Variants in FURIN observed in about 807,000 individuals in gnomAD.
The protein encoded by FURIN is FES upstream region.
FURIN carries 18 observed loss-of-function variants against 89.2 expected under a neutral mutation model. The observed-to-expected ratio is 0.20, with a 90% CI of 0.14 to 0.30. The LOEUF is 0.30. Among genes scored for constraint, FURIN ranks in the 10% least tolerant of loss-of-function variants. FURIN has a pLI of 1.00. For missense variants in FURIN, 879 were observed against 1,100.5 expected, an observed-to-expected ratio of 0.80 and a Z score of 2.85; for synonymous variants, 508 against 466.4, an observed-to-expected ratio of 1.09 and a Z score of -1.15.
At chr15:90,871,188 G>A (rs1031771386) in intron 1 of FURIN, among the ~76,000 whole-genome samples, 1 of 152,130 alleles carries the variant, frequency 6.6e-6, no homozygotes, top group East Asian at 1.9e-4. Context: ...TGGGGAAGCG[G>A]GGGACGGAGA....
At chr15:90,878,499 T>C (rs1198002729) in intron 8 of FURIN, among the ~76,000 whole-genome samples, 195 bp downstream of exon 8, 4 of 152,234 alleles carry the variant, frequency 2.6e-5, no homozygotes, top group African/African-American at 9.6e-5. Context: ...ACACATTTTT[T>C]TTAGAAATGA....
chr15:90,873,325 G>C lies in FURIN; in HGVS notation c.-159-2257G>C, dbSNP rs144576190. On this transcript the variant is annotated intron_variant, in intron 1 of 15. Transcript: ENST00000268171. ...GACTGTTCAGTTGCGCCTGACGCCT[G>C]CTTTCTTTCCGAGTGCTGCAAGGTA... is the stretch of plus-strand genomic sequence containing the variant. Among the ~76,000 whole-genome samples, 400 of 152,254 alleles carry C rather than the reference G, an allele frequency of 2.6e-3. 4 individuals are homozygous for C. Among genetic ancestry groups the C allele is most frequent in the African/African-American group, 8.9e-3 (371 of 41,520 alleles).
At chr15:90,872,586 G>A (rs1372357634) in intron 1 of FURIN, among the ~76,000 whole-genome samples, 1 of 152,174 alleles carries the variant, frequency 6.6e-6, no homozygotes, top group East Asian at 1.9e-4. Context: ...CTTCTACGGA[G>A]CATTTGATTT....
chr15:90,879,479 TCA>T lies in FURIN; in HGVS notation c.1093_1094del (p.Thr365GlyfsTer21). 1 of 1,613,506 alleles carries T rather than the reference TCA, an allele frequency of 6.2e-7. No homozygotes were observed. The highest frequency in any genetic ancestry group is 8.5e-7 in the Non-Finnish European group (1 of 1,179,650). ...ACTTGCGGCAGAAGTGCACGGAGTC[TCA>T]CACGGGCACCTCAGCCTCTGCCCCC... ...TDLRQKCTES[H>X]TGTSASAPLA... On this transcript the variant is annotated frameshift_variant, in exon 10 of 16. Coordinates refer to ENST00000268171, the MANE Select transcript of FURIN (RefSeq NM_002569.4). LOFTEE classifies it high-confidence loss of function.
Position 90,880,751 on chromosome 15 carries a change from G to A in FURIN, c.1617G>A (p.Trp539Ter). 6.2e-7 allele frequency: 1 copy of A among 1,614,104 alleles called. No homozygotes were observed. The highest frequency in any genetic ancestry group is 8.5e-7 in the Non-Finnish European group (1 of 1,179,992). Residue 539 changes from tryptophan (W) to a stop codon, truncating the protein, a stop_gained, in exon 14 of 16, where the codon TGG becomes TGA. Coordinates refer to ENST00000268171, the MANE Select transcript of FURIN (RefSeq NM_002569.4). LOFTEE classifies it high-confidence loss of function. ...GGGCCTTCATGACAACTCATTCCTG[G>A]GATGAGGATCCCTCTGGCGAGTGGG... ...NDWAFMTTHS[W>*]DEDPSGEWVL...
At chr15:90,875,374 TG>T (rs949070089) in intron 1 of FURIN, among the ~76,000 whole-genome samples, 10 of 152,046 alleles carry the variant, frequency 6.6e-5, no homozygotes, top group Non-Finnish European at 1.3e-4. Flanking sequence ...GAGAAAGGAT[TG>T]GGGGGGATTG....
rs2151226471 is a variant in FURIN at position 90,879,484 on chromosome 15, C to T, written c.1094C>T (p.Thr365Met). The change falls in exon 10 of 16, where the codon ACG (threonine) becomes ATG (methionine). Residue 365 changes from threonine to methionine, a missense_variant. By Grantham distance (81) the Thr-to-Met change is moderately conservative. Transcript: ENST00000268171. ...CGGCAGAAGTGCACGGAGTCTCACA[C>T]GGGCACCTCAGCCTCTGCCCCCTTA... ...DLRQKCTESH[T>M]GTSASAPLAA... 2 of 1,613,436 alleles carry T rather than the reference C, an allele frequency of 1.2e-6. No homozygotes were observed. Among genetic ancestry groups the T allele is most frequent in the Non-Finnish European group, 1.7e-6 (2 of 1,179,560 alleles).
Position 90,877,481 on chromosome 15 carries a change from G to C in FURIN, c.579-46G>C, listed in dbSNP as rs375545291. 16 of 1,464,962 alleles carry C rather than the reference G, an allele frequency of 1.1e-5. No homozygotes were observed. The African/African-American group carries it at 1.4e-4, about 13-fold the overall frequency. The allele number at this position is 1,464,962 out of a possible 1,614,324, so 90.7% of individuals were successfully genotyped here. On this transcript the variant is annotated intron_variant, in intron 6 of 15. Coordinates refer to ENST00000268171, the MANE Select transcript of FURIN (RefSeq NM_002569.4). ...CCTCAGGCCACATCTGCCGGGCCCT[G>C]TTCACCCCATTTGTTCTACTCATGC...
intron 10 of FURIN, 30 bp downstream of exon 10, chr15:90,879,574 G>A (rs2031823654): frequency 6.4e-7 from 1 of 1,567,612 alleles, no homozygotes; most frequent in South Asian, 1.1e-5. Flanking sequence ...CGGCAACCCT[G>A]TCCCTACCAG....
At chr15:90,870,610 TC>T (rs1400002815) in intron 1 of FURIN, among the ~76,000 whole-genome samples, 2 of 152,160 alleles carry the variant, frequency 1.3e-5, no homozygotes, top group African/African-American at 2.4e-5. Flanking sequence ...CCTGGGAAGC[TC>T]CTGGCCACAT....
intron 12 of FURIN, 25 bp downstream of exon 12, chr15:90,880,009 G>T: frequency 6.2e-7 from 1 of 1,606,586 alleles, no homozygotes; most frequent in Non-Finnish European, 8.5e-7. Flanking sequence ...CAGGCTGGGA[G>T]GGGGCCAGTG....
chr15:90,881,008 G>A lies in FURIN; in HGVS notation c.1760G>A (p.Cys587Tyr). Residue 587 changes from cysteine (C) to tyrosine (Y), a missense_variant, in exon 15 of 16, where the codon TGC becomes TAC. Physicochemically the swap from Cys to Tyr is radical, Grantham distance 194. Coordinates refer to ENST00000268171, the MANE Select transcript of FURIN (RefSeq NM_002569.4). This position sits in a 1 kb window ranked among gnomAD's most constrained non-coding sequence, Gnocchi z 4.3. ...CCCGTACCTCCAGAAAGCAGTGGCT[G>A]CAAGACCCTCACGTCCAGTCAGGCC... ...GLPVPPESSGCKTLTSSQACV... is the reference protein window; with the variant it reads ...GLPVPPESSGYKTLTSSQACV... 1.2e-6 allele frequency: 2 copies of A among 1,613,934 alleles called. No individual in the cohort carries two copies. The highest frequency in any genetic ancestry group is 1.7e-6 in the Non-Finnish European group (2 of 1,179,776).
intron 7 of FURIN, among the ~76,000 whole-genome samples, chr15:90,877,830 G>C (rs891975919): frequency 2.0e-5 from 3 of 152,288 alleles, no homozygotes; most frequent in Admixed American, 2.0e-4. Context: ...AAATCCTCAC[G>C]ACCCACTGTG....
At position 90,876,324 on chromosome 15, in the gene FURIN, C is replaced by A. The variant is rs758984763; in HGVS notation, c.247C>A (p.Arg83=). 6.2e-7 allele frequency: 1 copy of A among 1,611,888 alleles called. No homozygotes were observed. The highest frequency in any genetic ancestry group is 8.5e-7 in the Non-Finnish European group (1 of 1,178,302). ...GCGGTCCCTGTCGCCTCACCGCCCG[C>A]GGCACAGCCGGCTGCAGAGGGAGCC... ...TKRSLSPHRP[R]HSRLQREPQV... The change falls in exon 3 of 16, where the codon CGG becomes AGG. Residue 83 remains arginine (R), a synonymous_variant. Coordinates refer to ENST00000268171, the MANE Select transcript of FURIN (RefSeq NM_002569.4). This position sits in a 1 kb window ranked among gnomAD's most constrained non-coding sequence, Gnocchi z 5.0.
chr15:90,869,934 C>A (rs2031210235), intron 1 of FURIN, among the ~76,000 whole-genome samples: 3 of 152,242 alleles, frequency 2.0e-5, no homozygotes, highest in Admixed American at 2.0e-4. Context: ...CTCAGTCTGA[C>A]TGCTGGAGTA....
At chr15:90,874,005 C>G (rs923565789) in intron 1 of FURIN, among the ~76,000 whole-genome samples, 1 of 152,202 alleles carries the variant, frequency 6.6e-6, no homozygotes, top group African/African-American at 2.4e-5. Context: ...CCTACGTGAG[C>G]TGGGGTGCCT....
Position 90,880,258 on chromosome 15 carries a change from C to A in FURIN, c.1541C>A (p.Thr514Asn). 6.2e-7 allele frequency: 1 copy of A among 1,605,772 alleles called. No homozygotes were observed. Among genetic ancestry groups the A allele is most frequent in the Non-Finnish European group, 8.5e-7 (1 of 1,175,608 alleles). Residue 514 changes from threonine (T) to asparagine (N), a missense_variant, in exon 13 of 16, where the codon ACC (threonine) becomes AAC (asparagine). By Grantham distance (65) the Thr-to-Asn change is moderately conservative. Around this residue, in one of 5 missense-constraint regions of FURIN, gnomAD observed 457 missense variants for 490.7 expected, o/e 0.93. Transcript: ENST00000268171. The part of the protein sequence containing the change: ...HLVSPMGTRS[T>N]LLAARPHDYS... ...GTCAGCCCCATGGGCACCCGCTCCA[C>A]CCTGCTGGCAGCCAGGTGCTTGCTC...
rs1325222009 is a variant in FURIN, at chr15:90,882,232, C to T, written c.*354C>T. ...CCCAGGCCGCAGCTCTTGCCCTTCC[C>T]TGTCCCTCTAAAGCAATAATGGTCC... On this transcript the variant is annotated 3_prime_UTR_variant, in exon 16 of 16. Coordinates refer to ENST00000268171, the MANE Select transcript of FURIN (RefSeq NM_002569.4). 1.0e-5 allele frequency: 3 copies of T among 291,808 alleles called. No homozygotes were observed. Among genetic ancestry groups the T allele is most frequent in the Non-Finnish European group, 2.0e-5 (3 of 153,416 alleles). 18.1% of individuals were successfully genotyped at this position (291,808 alleles called of 1,614,324 possible). A position where few individuals can be genotyped will look rare whatever the true frequency, so the allele number is the denominator to read the frequency against.
rs1449646621 is a variant in FURIN, at chr15:90,879,788, G to T, written c.1258+14G>T. ...TGGGCCGGAAAGGTGAGGGCAGGCT[G>T]GCCCGGCAGGCTGGATGTGGAGTTA... On this transcript the variant is annotated intron_variant, in intron 11 of 15. Coordinates refer to ENST00000268171, the MANE Select transcript of FURIN (RefSeq NM_002569.4). 1 of 1,611,124 alleles carries T rather than the reference G, an allele frequency of 6.2e-7. No individual in the cohort carries two copies. The highest frequency in any genetic ancestry group is 8.5e-7 in the Non-Finnish European group (1 of 1,177,746).
Sources: gnomAD v4.1 joint callset for allele counts (sites outside exome capture counted in the v4.1 genomes callset) on GRCh38, gnomAD v4.1.1 for gene constraint, gnomAD v4.1.1 regional missense constraint, Gnocchi (gnomAD v3.1) non-coding constraint, MANE v1.5 for transcripts, NCBI Gene and HGNC (gene_info 2026-07-23, HGNC 2026-07-21) for gene names.